The following CD200R1L variants were observed in gnomAD, a reference collection of about 807,000 sequenced individuals.
CD200R1L encodes the protein CD200 receptor 1 like.
Under a neutral mutation model 24.8 loss-of-function variants are expected in CD200R1L, and 14 were observed. That is an observed-to-expected ratio of 0.56 (90% CI 0.37 to 0.88). The LOEUF (loss-of-function observed/expected upper bound fraction) is 0.88, where lower values mean the gene tolerates loss of function less well. Among genes scored for constraint, CD200R1L ranks in the 40% least tolerant of loss-of-function variants. The pLI is 0.00. For missense variants in CD200R1L, 299 were observed against 297.8 expected (o/e 1.00, Z -0.03); for synonymous variants, 111 against 109.2 (o/e 1.02, Z -0.11).
intron 3 of CD200R1L, among the ~76,000 whole-genome samples, chr3:112,834,861 G>T: frequency 6.6e-6 from 1 of 152,218 alleles, no homozygotes; most frequent in East Asian, 1.9e-4. Context: ...TCCCTGCAAG[G>T]CTGCAGCTTG....
intron 2 of CD200R1L, among the ~76,000 whole-genome samples, chr3:112,843,561 G>T (rs190071896): frequency 6.6e-6 from 1 of 152,266 alleles, no homozygotes; most frequent in Non-Finnish European, 1.5e-5. Context: ...ATCCTTAAGG[G>T]AGTTCTAAAT....
At chr3:112,839,208 T>C (rs1229782127) in intron 2 of CD200R1L, among the ~76,000 whole-genome samples, 2 of 152,166 alleles carry the variant, frequency 1.3e-5, no homozygotes, top group African/African-American at 2.4e-5. Context: ...ATTTTCAGAA[T>C]TGTTTCGGGG....
At chr3:112,836,679 T>G (rs554210803) in intron 3 of CD200R1L, among the ~76,000 whole-genome samples, 16 of 152,364 alleles carry the variant, frequency 1.1e-4, no homozygotes, top group African/African-American at 3.6e-4. Context: ...TTTTTTCTCT[T>G]TAATCTAAAA....
chr3:112,826,830 A>G (rs1336650610), intron 6 of CD200R1L, among the ~76,000 whole-genome samples, 163 bp downstream of exon 6: 1 of 152,238 alleles, frequency 6.6e-6, no homozygotes, highest in Non-Finnish European at 1.5e-5. Context: ...TGGCTGTTCT[A>G]CTAAAAGACA....
intron 7 of CD200R1L, among the ~76,000 whole-genome samples, chr3:112,819,203 C>T (rs112235139): frequency 0.025 from 3,751 of 152,142 alleles, 148 homozygotes; most frequent in African/African-American, 0.079. Flanking sequence ...TCCCTCAACA[C>T]GTGGGGATTA....
intron 2 of CD200R1L, among the ~76,000 whole-genome samples, chr3:112,838,489 C>A (rs68093223): frequency 0.36 from 48,717 of 136,682 alleles, 8,542 homozygotes; most frequent in Non-Finnish European, 0.43. Flanking sequence ...AACAAACAAA[C>A]AAAAAAAAAC....
chr3:112,817,090 C>A (rs949205163), intron 7 of CD200R1L, among the ~76,000 whole-genome samples: 1 of 151,938 alleles, frequency 6.6e-6, no homozygotes, highest in East Asian at 1.9e-4. Flanking sequence ...ATCTCTGCCG[C>A]AGTGTAGTAT....
chr3:112,818,969 T>G (rs1938464187), intron 7 of CD200R1L, among the ~76,000 whole-genome samples: 1 of 152,206 alleles, frequency 6.6e-6, no homozygotes, highest in African/African-American at 2.4e-5. Context: ...AAAAGACTTT[T>G]AACTGACTCA....
chr3:112,827,681 T>C lies in CD200R1L; in HGVS notation c.53A>G (p.Asn18Ser). The change falls in exon 5 of 8, where the codon AAC (asparagine) becomes AGC (serine). Residue 18 changes from asparagine (N) to serine (S), a missense_variant. Asn to Ser is a conservative substitution (Grantham distance 46). Coordinates refer to ENST00000488794, the MANE Select transcript of CD200R1L (RefSeq NM_001199215.3). ...ATCCATCAGTACAGGCTGTGAAATGTTACCTGGACACACACACAAAGGATA... is the reference window on the plus strand; with the variant it reads ...ATCCATCAGTACAGGCTGTGAAATGCTACCTGGACACACACACAAAGGATA... ...QNYSTIFAEGNISQPVLMDIN... is the reference protein window; with the variant it reads ...QNYSTIFAEGSISQPVLMDIN... 6.2e-7 allele frequency: 1 copy of C among 1,611,688 alleles called. No homozygotes were observed.
intron 4 of CD200R1L, among the ~76,000 whole-genome samples, chr3:112,828,543 G>A (rs188492045): frequency 1.3e-5 from 2 of 152,244 alleles, no homozygotes; most frequent in South Asian, 2.1e-4. Context: ...GTCAAATATA[G>A]CCTTTGGATA....
At chr3:112,829,075 G>A (rs918322450) in intron 4 of CD200R1L, among the ~76,000 whole-genome samples, 3 of 152,178 alleles carry the variant, frequency 2.0e-5, no homozygotes, top group African/African-American at 7.2e-5. Context: ...AGACCTGAAA[G>A]GTCATTAAAT....
chr3:112,826,303 A>G (rs1938655227), intron 6 of CD200R1L, among the ~76,000 whole-genome samples: 1 of 152,142 alleles, frequency 6.6e-6, no homozygotes, highest in African/African-American at 2.4e-5. Flanking sequence ...TTATATGTAC[A>G]ACATGTTTTC....
At chr3:112,843,559 G>C (rs1052741513) in intron 2 of CD200R1L, among the ~76,000 whole-genome samples, 1 of 152,204 alleles carries the variant, frequency 6.6e-6, no homozygotes, top group African/African-American at 2.4e-5. Context: ...AGATCCTTAA[G>C]GGAGTTCTAA....
intron 3 of CD200R1L, among the ~76,000 whole-genome samples, chr3:112,831,050 A>G (rs1017289916): frequency 6.6e-5 from 10 of 152,234 alleles, no homozygotes; most frequent in South Asian, 2.1e-4. Context: ...CTAGTTGACT[A>G]AACAAAGCAT....
At chr3:112,835,681 C>A (rs934846171) in intron 3 of CD200R1L, among the ~76,000 whole-genome samples, 1 of 152,258 alleles carries the variant, frequency 6.6e-6, no homozygotes, top group African/African-American at 2.4e-5. Flanking sequence ...GGTGTCCATG[C>A]TGTTCATGCC....
At chr3:112,834,944 G>C (rs576194641) in intron 3 of CD200R1L, among the ~76,000 whole-genome samples, 14 of 152,322 alleles carry the variant, frequency 9.2e-5, no homozygotes, top group Admixed American at 2.6e-4. Context: ...GAACTGCAGA[G>C]CCCTAAAAGG....
chr3:112,833,475 C>G (rs149873985), intron 3 of CD200R1L, among the ~76,000 whole-genome samples: 37 of 151,416 alleles, frequency 2.4e-4, no homozygotes, highest in Admixed American at 4.6e-4. Flanking sequence ...CTACGGGACC[C>G]TGGTGAAGAC....
chr3:112,845,793 A>ATTCACCAAGT lies in CD200R1L; in HGVS notation c.-202_-201insACTTGGTGAA. The ATTCACCAAGT allele has an allele frequency of 7.8e-7, 1 of 1,281,944 alleles. No individual in the cohort carries two copies. The highest frequency in any genetic ancestry group is 1.1e-6 in the Non-Finnish European group (1 of 885,200). 79.4% of individuals were successfully genotyped at this position (1,281,944 alleles called of 1,614,324 possible). A position where few individuals can be genotyped will look rare whatever the true frequency, so the allele number is the denominator to read the frequency against. On this transcript the variant is annotated 5_prime_UTR_variant, in exon 2 of 8. The change abolishes the stop of an existing upstream ORF in the 5' untranslated region. Transcript: ENST00000488794. Reference sequence around the variant, plus strand: ...AAATCCACTTTAAATCAATCAACAGACTTGGTGAATCTGTTTCTCTTGGTC... The same window carrying ATTCACCAAGT: ...AAATCCACTTTAAATCAATCAACAGATTCACCAAGTCTTGGTGAATCTGTTTCTCTTGGTC...
At chr3:112,831,576 T>C (rs981474580) in intron 3 of CD200R1L, among the ~76,000 whole-genome samples, 3 of 152,226 alleles carry the variant, frequency 2.0e-5, no homozygotes, top group Non-Finnish European at 4.4e-5. Flanking sequence ...AAAGTCATAC[T>C]TGAGCGGCAT....
Sources: gnomAD v4.1 joint callset for allele counts (sites outside exome capture counted in the v4.1 genomes callset) on GRCh38, gnomAD v4.1.1 for gene constraint, MANE v1.5 for transcripts, NCBI Gene and HGNC (gene_info 2026-07-23, HGNC 2026-07-21) for gene names.